The following HMBOX1 variants were observed in gnomAD, a reference collection of about 807,000 sequenced individuals.
The protein encoded by HMBOX1 is homeobox containing 1.
HMBOX1 carries 14 observed loss-of-function variants against 54.5 expected under a neutral mutation model. The observed-to-expected ratio is 0.26, with a 90% CI of 0.17 to 0.40. HMBOX1 has a LOEUF of 0.40. HMBOX1 is among the 10% of genes least tolerant of loss of function. HMBOX1 has a pLI of 1.00. For synonymous variants in HMBOX1, 160 were observed against 181.0 expected (o/e 0.88, Z 0.93); for missense variants, 332 against 514.4 (o/e 0.65, Z 3.43).
At chr8:28,890,711 C>T (rs1810715402) in intron 1 of HMBOX1, 33 bp downstream of exon 1, 1 of 152,702 alleles carries the variant, frequency 6.5e-6, no homozygotes, top group African/African-American at 2.4e-5. Context: ...CGGACTACCT[C>T]AAGTCTCTTT....
chr8:29,050,260 A>C, intron 9 of HMBOX1: 1 of 978,058 alleles, frequency 1.0e-6, no homozygotes, highest in East Asian at 1.1e-4. Context: ...ACAGGTGAGA[A>C]ACATACCCCT....
intron 6 of HMBOX1, among the ~76,000 whole-genome samples, chr8:29,032,172 C>T (rs1803084587): frequency 6.6e-6 from 1 of 151,644 alleles, no homozygotes; most frequent in Non-Finnish European, 1.5e-5. Context: ...AACCAAAAAA[C>T]ATTTTTCTTC....
At chr8:28,958,668 A>ACT (rs1491305886) in intron 1 of HMBOX1, among the ~76,000 whole-genome samples, 1 of 143,252 alleles carries the variant, frequency 7.0e-6, no homozygotes, top group Non-Finnish European at 1.5e-5. Context: ...ACACATAGAT[A>ACT]CTCTCTCTAT....
intron 1 of HMBOX1, among the ~76,000 whole-genome samples, chr8:28,905,477 G>A (rs1424284255): frequency 1.3e-5 from 2 of 152,220 alleles, no homozygotes; most frequent in African/African-American, 4.8e-5. Flanking sequence ...TTTGTGAGGG[G>A]ATCAGGGAGG....
intron 4 of HMBOX1, among the ~76,000 whole-genome samples, chr8:29,007,807 CAAAAA>C (rs1407762272): frequency 6.6e-6 from 1 of 151,198 alleles, no homozygotes; most frequent in Non-Finnish European, 1.5e-5. Context: ...GAACCTTTCT[CAAAAA>C]AGAAAAAAAG....
Position 29,018,897 on chromosome 8 carries a change from C to T in HMBOX1, c.835C>T (p.Leu279=), listed in dbSNP as rs761761528. The T allele has an allele frequency of 1.9e-6, 3 of 1,614,116 alleles. No homozygotes were observed. The highest frequency in any genetic ancestry group is 1.7e-6 in the Non-Finnish European group (2 of 1,179,990). Residue 279 remains leucine, a synonymous_variant, in exon 6 of 10, where the codon CTG becomes TTG. Coordinates refer to ENST00000287701, the MANE Select transcript of HMBOX1 (RefSeq NM_001135726.3). ...GSRFTWRKEC[L]AVMESYFNEN... ...TCGATTTACCTGGAGAAAGGAGTGC[C>T]TGGCTGTTATGGAAAGGTATGTGTC...
chr8:28,977,499 TTATTGATGCA>T (rs1425124583), intron 3 of HMBOX1, among the ~76,000 whole-genome samples: 1 of 152,244 alleles, frequency 6.6e-6, no homozygotes, highest in Non-Finnish European at 1.5e-5. Context: ...TGTACACTGA[TTATTGATGCA>T]TATTTGAAAG....
At chr8:28,958,012 G>A (rs1213720666) in intron 1 of HMBOX1, among the ~76,000 whole-genome samples, 3 of 152,118 alleles carry the variant, frequency 2.0e-5, no homozygotes, top group Admixed American at 6.5e-5. Flanking sequence ...GGCTATCCCT[G>A]TCAATGAAAA....
In HMBOX1 at chr8:28,996,647, T is replaced by C. The variant is rs1046945615; in HGVS notation, c.587-12425T>C. Among the ~76,000 whole-genome samples the C allele has an allele frequency of 3.9e-5, 6 of 152,232 alleles. No homozygotes were observed. In the East Asian group the frequency reaches 1.2e-3, roughly 29 times the overall value. On this transcript the variant is annotated intron_variant, in intron 4 of 9. Transcript: ENST00000287701. The stretch of plus-strand genomic sequence containing the variant: ...TGTATATTGTTTTGTTGTTTTGTTT[T>C]TGCTTTTAGTATCATAGCTAAGAAA...
intron 1 of HMBOX1, among the ~76,000 whole-genome samples, chr8:28,930,123 T>A (rs2131889926): frequency 1.3e-5 from 2 of 152,222 alleles, no homozygotes; most frequent in South Asian, 4.2e-4. Flanking sequence ...TTCTAGAAAC[T>A]GGATGTGCTG....
chr8:28,897,263 G>A (rs1054783536), intron 1 of HMBOX1, among the ~76,000 whole-genome samples: 20 of 151,418 alleles, frequency 1.3e-4, no homozygotes, highest in African/African-American at 4.4e-4. Context: ...GATTACAGGC[G>A]TAAGCCACTG....
rs563799744 is a variant in HMBOX1, at chr8:28,903,029, A to G, written c.-58+12351A>G. ...TATAATGGTGTCAGCACGTAAAGAC[A>G]TACCTCACTTTCTTAATGTAAACAA... On this transcript the variant is annotated intron_variant, in intron 1 of 9. Transcript: ENST00000287701. Among the ~76,000 whole-genome samples, 9 of 152,340 alleles carry G rather than the reference A, an allele frequency of 5.9e-5. No homozygotes were observed. The South Asian group carries it at 1.9e-3, about 32-fold the overall frequency.
intron 4 of HMBOX1, among the ~76,000 whole-genome samples, chr8:28,990,690 C>G (rs1830856496): frequency 6.6e-6 from 1 of 152,040 alleles, no homozygotes; most frequent in African/African-American, 2.4e-5. Context: ...GTGTCTTGCT[C>G]TGTCTCCCAG....
intron 1 of HMBOX1, among the ~76,000 whole-genome samples, chr8:28,913,855 C>CTTTTTTTTTTTTTTTTT (rs1304959910): frequency 9.9e-6 from 1 of 101,344 alleles, no homozygotes; most frequent in African/African-American, 3.8e-5. Context: ...TCAAGTGATT[C>CTTTTTTTTTTTTTTTTT]TTTTTTTTTT....
chr8:28,973,100 C>CT (rs1563499891), intron 3 of HMBOX1, among the ~76,000 whole-genome samples: 1 of 152,174 alleles, frequency 6.6e-6, no homozygotes, highest in Non-Finnish European at 1.5e-5. Flanking sequence ...TGCACTCCTG[C>CT]TTTCCTCCAT....
chr8:28,913,986 C>T (rs1011268599), intron 1 of HMBOX1, among the ~76,000 whole-genome samples: 1 of 151,704 alleles, frequency 6.6e-6, no homozygotes, highest in African/African-American at 2.4e-5. Flanking sequence ...TTCTTCTGCC[C>T]CAGCCTCCCA....
intron 1 of HMBOX1, among the ~76,000 whole-genome samples, chr8:28,960,769 T>G (rs1177738647): frequency 2.3e-5 from 1 of 42,996 alleles, no homozygotes; most frequent in East Asian, 6.8e-4. Context: ...CTTTTTCTTT[T>G]TTTTTTTTTT....
rs1463057984 is a variant in HMBOX1, at chr8:28,907,176, TGTGGTG to T, written c.-58+16505_-58+16510del. Among the ~76,000 whole-genome samples the T allele has an allele frequency of 2.6e-5, 4 of 152,212 alleles. No homozygotes were observed. The East Asian group carries it at 7.7e-4, about 29-fold the overall frequency. On this transcript the variant is annotated intron_variant, in intron 1 of 9. Coordinates refer to ENST00000287701, the MANE Select transcript of HMBOX1 (RefSeq NM_001135726.3). ...TAACCTTTTAAGGCAGTGTATTCCT[TGTGGTG>T]GTGGTGTTTTGCATTGTTGGTATTT...
chr8:29,005,990 ATTTT>A (rs775589443), intron 4 of HMBOX1, among the ~76,000 whole-genome samples: 1 of 120,858 alleles, frequency 8.3e-6, no homozygotes, highest in African/African-American at 3.2e-5. Flanking sequence ...GATGCATTCT[ATTTT>A]TTTTTTTTTT....
Sources: allele counts gnomAD v4.1 joint callset (sites outside exome capture counted in the v4.1 genomes callset), GRCh38; gene constraint gnomAD v4.1.1; transcripts MANE v1.5; gene names NCBI Gene and HGNC (gene_info 2026-07-23, HGNC 2026-07-21).